MET: variants seen among roughly 807,000 people sequenced by gnomAD.
MET encodes the protein MET proto-oncogene, receptor tyrosine kinase.
MET carries 48 observed loss-of-function variants against 133.1 expected under a neutral mutation model. The ratio of observed to expected loss-of-function variants is 0.36; its 90% CI spans 0.29 to 0.46. MET has a LOEUF of 0.46. Ranked by LOEUF, MET falls within the 20% of genes least tolerant of loss-of-function variation. The pLI is 1.00. For synonymous variants in MET, 628 were observed against 616.5 expected (o/e 1.02, Z -0.28); for missense variants, 1,442 against 1,695.9 (o/e 0.85, Z 2.63).
chr7:116,786,347 A>G (rs2117077187), intron 19 of MET, among the ~76,000 whole-genome samples: 1 of 152,358 alleles, frequency 6.6e-6, no homozygotes, highest in South Asian at 2.1e-4. Flanking sequence ...TCCGGGGAAC[A>G]CAATTCAGTC....
intron 1 of MET, among the ~76,000 whole-genome samples, chr7:116,687,073 G>T (rs1053993399): frequency 1.3e-5 from 2 of 152,174 alleles, no homozygotes; most frequent in Admixed American, 6.5e-5. Flanking sequence ...CCCAGTCAAG[G>T]GGCAACACCT....
chr7:116,684,245 C>T (rs1198599842), intron 1 of MET, among the ~76,000 whole-genome samples: 6 of 152,330 alleles, frequency 3.9e-5, no homozygotes, highest in African/African-American at 1.4e-4. Context: ...ATTTTTCTCA[C>T]TTTAATATGT....
chr7:116,790,702 A>AGAGTAGTTCATCTCTTTTTATTTTT (rs1795462027), intron 19 of MET, among the ~76,000 whole-genome samples: 1 of 152,170 alleles, frequency 6.6e-6, no homozygotes, highest in Admixed American at 6.6e-5. Flanking sequence ...TTTCCACAGC[A>AGAGTAGTTCATCTCTTTTTATTTTT]GAGTAGTTCA....
At chr7:116,761,837 A>AT (rs1315105938) in intron 10 of MET, among the ~76,000 whole-genome samples, 1 of 152,120 alleles carries the variant, frequency 6.6e-6, no homozygotes, top group Non-Finnish European at 1.5e-5. Flanking sequence ...ATGTAAGATC[A>AT]TTTTTTAAAT....
chr7:116,749,142 A>G (rs1053222304), intron 5 of MET, among the ~76,000 whole-genome samples: 1 of 152,220 alleles, frequency 6.6e-6, no homozygotes, highest in Admixed American at 6.5e-5. Flanking sequence ...AACCAGACAG[A>G]GACACAACAC....
chr7:116,753,178 G>A (rs1301887137), intron 5 of MET, among the ~76,000 whole-genome samples: 1 of 152,180 alleles, frequency 6.6e-6, no homozygotes, highest in Non-Finnish European at 1.5e-5. Context: ...ACTTAGGAAG[G>A]ATGGAAATGT....
intron 2 of MET, among the ~76,000 whole-genome samples, chr7:116,706,347 G>A (rs750927198): frequency 4.6e-5 from 7 of 152,140 alleles, no homozygotes; most frequent in Middle Eastern, 6.8e-3. Context: ...TATCGCAAAC[G>A]GGAAGGAGTT....
intron 8 of MET, 81 bp downstream of exon 8, chr7:116,757,855 T>C: frequency 6.8e-7 from 1 of 1,474,330 alleles, no homozygotes; most frequent in South Asian, 1.1e-5. Flanking sequence ...TTGTTTTGTG[T>C]GTGTGTGTGG....
intron 5 of MET, among the ~76,000 whole-genome samples, chr7:116,754,013 T>C (rs1314918749): frequency 6.6e-6 from 1 of 152,212 alleles, no homozygotes; most frequent in Admixed American, 6.5e-5. Flanking sequence ...CGCACACCTG[T>C]AGTCCTGTCT....
At chr7:116,727,118 G>A (rs562748370) in intron 2 of MET, among the ~76,000 whole-genome samples, 82 of 152,308 alleles carry the variant, frequency 5.4e-4, no homozygotes, top group African/African-American at 1.8e-3. Context: ...TACAGAATGC[G>A]AGTGGTTATC....
chr7:116,782,586 A>G (rs1257556323), intron 18 of MET, among the ~76,000 whole-genome samples: 1 of 152,216 alleles, frequency 6.6e-6, no homozygotes. Flanking sequence ...ATGTAATACA[A>G]CAGTCAACAG....
chr7:116,702,800 T>C (rs549863508), intron 2 of MET, among the ~76,000 whole-genome samples: 2 of 152,274 alleles, frequency 1.3e-5, no homozygotes, highest in East Asian at 1.9e-4. Flanking sequence ...TGTTGACACA[T>C]TGCTGAAAGA....
At position 116,769,655 on chromosome 7, in the gene MET, T is replaced by C; in HGVS notation, c.2594T>C (p.Ile865Thr). Reference protein sequence around the residue: ...ENVLEIKGNDIDPEAVKGEVL... With the variant: ...ENVLEIKGNDTDPEAVKGEVL... ...TTTTTTTCCTTTCAGGGAAATGATA[T>C]TGACCCTGAAGCAGTTAAAGGTGAA... is the stretch of plus-strand genomic sequence containing the variant. The change falls in exon 12 of 21, where the codon ATT becomes ACT. Residue 865 changes from isoleucine to threonine, a missense_variant. Transcript: ENST00000397752. 1 of 1,613,278 alleles carries C rather than the reference T, an allele frequency of 6.2e-7. No individual in the cohort carries two copies. The highest frequency in any genetic ancestry group is 8.5e-7 in the Non-Finnish European group (1 of 1,179,632).
At position 116,775,051 on chromosome 7, in the gene MET, C is replaced by A. The variant is rs45628136; in HGVS notation, c.3199C>A (p.Gln1067Lys). 14 of 1,614,044 alleles carry A rather than the reference C, an allele frequency of 8.7e-6. No homozygotes were observed. The East Asian group carries it at 2.9e-4, about 33-fold the overall frequency. ...AAATCCAGAGCTGGTCCAGGCAGTG[C>A]AGCATGTAGTGATTGGGCCCAGTAG... is the stretch of plus-strand genomic sequence containing the variant. ...ALNPELVQAV[Q>K]HVVIGPSSLI... Residue 1067 changes from glutamine to lysine, a missense_variant, in exon 15 of 21, where the codon CAG (glutamine) becomes AAG (lysine). This residue lies in a region of MET where 514 missense variants were observed against 659.6 expected (regional missense o/e 0.78). Coordinates refer to ENST00000397752, the MANE Select transcript of MET (RefSeq NM_000245.4).
chr7:116,713,389 C>T (rs1041936242), intron 2 of MET, among the ~76,000 whole-genome samples: 7 of 145,472 alleles, frequency 4.8e-5, no homozygotes, highest in East Asian at 2.0e-4. Context: ...AGCGAGACTC[C>T]GTCTCAAAAA....
rs747138607 is a variant in MET at position 116,699,661 on chromosome 7, A to C, written c.577A>C (p.Ile193Leu). 1 of 1,614,082 alleles carries C rather than the reference A, an allele frequency of 6.2e-7. No individual in the cohort carries two copies. The highest frequency in any genetic ancestry group is 1.1e-5 in the South Asian group (1 of 91,084). ...CCTTTCATCTGTAAAGGACCGGTTC[A>C]TCAACTTCTTTGTAGGCAATACCAT... ...KVLSSVKDRF[I>L]NFFVGNTINS... The change falls in exon 2 of 21, where the codon ATC (isoleucine) becomes CTC (leucine). Residue 193 changes from isoleucine to leucine, a missense_variant. Transcript: ENST00000397752.
At chr7:116,713,875 G>A (rs966228823) in intron 2 of MET, among the ~76,000 whole-genome samples, 4 of 152,086 alleles carry the variant, frequency 2.6e-5, no homozygotes, top group African/African-American at 9.7e-5. Flanking sequence ...ACACTGTTAG[G>A]CACATAAACA....
rs1562925631 is a variant in MET, at chr7:116,763,150, T to C, written c.2465T>C (p.Met822Thr). 2 of 1,614,048 alleles carry C rather than the reference T, an allele frequency of 1.2e-6. No individual in the cohort carries two copies. The highest frequency in any genetic ancestry group is 1.3e-5 in the African/African-American group (1 of 75,040). ...CCCCTGAAAACCAAAGCCTTTTTCA[T>C]GTTAGATGGGATCCTTTCCAAATAC... ...QLPLKTKAFFMLDGILSKYFD... is the reference protein window; with the variant it reads ...QLPLKTKAFFTLDGILSKYFD... Residue 822 changes from methionine (M) to threonine (T), a missense_variant, in exon 11 of 21, where the codon ATG (methionine) becomes ACG (threonine). By Grantham distance (81) the Met-to-Thr change is moderately conservative. Transcript: ENST00000397752.
intron 2 of MET, among the ~76,000 whole-genome samples, chr7:116,712,063 G>T (rs561888590): frequency 6.6e-6 from 1 of 152,234 alleles, no homozygotes; most frequent in East Asian, 1.9e-4. Context: ...TTCAAGCACA[G>T]CACTGCCACC....
Sources: gnomAD v4.1 joint callset for allele counts (sites outside exome capture counted in the v4.1 genomes callset) on GRCh38, gnomAD v4.1.1 for gene constraint, gnomAD v4.1.1 regional missense constraint, MANE v1.5 for transcripts, NCBI Gene and HGNC (gene_info 2026-07-23, HGNC 2026-07-21) for gene names.